Variants in DLG3 observed in about 807,000 individuals in gnomAD.
DLG3 encodes discs large MAGUK scaffold protein 3.
DLG3 carries 1 observed loss-of-function variant against 64.1 expected under a neutral mutation model. That is an observed-to-expected ratio of 0.02 (90% confidence interval 0.01 to 0.07). The LOEUF is 0.07. DLG3 is among the 10% of genes least tolerant of loss of function. The probability of loss-of-function intolerance (pLI) is 1.00; values close to 1 mark genes in which losing one functional copy is unlikely to be tolerated. For missense variants in DLG3, 429 were observed against 669.5 expected (o/e 0.64, Z 3.96); for synonymous variants, 245 against 259.8 (o/e 0.94, Z 0.55).
At chrX:70,496,166 G>A (rs2087450784) in intron 13 of DLG3, among the ~76,000 whole-genome samples, 1 of 112,601 alleles carries the variant, frequency 8.9e-6, no homozygotes, top group Admixed American at 9.3e-5. Flanking sequence ...GCGTGCAAGG[G>A]TGCACAGACA....
At chrX:70,458,484 G>T (rs2147790726) in intron 9 of DLG3, among the ~76,000 whole-genome samples, 1 of 111,184 alleles carries the variant, frequency 9.0e-6, no homozygotes, top group East Asian at 2.8e-4. Context: ...TAGAAACAGG[G>T]TCTCACTATA....
chrX:70,456,739 A>C, intron 9 of DLG3, among the ~76,000 whole-genome samples: 1 of 106,091 alleles, frequency 9.4e-6, no homozygotes, highest in Middle Eastern at 5.0e-3. Context: ...GCAAGTCCCC[A>C]ACATGCAAAA....
intron 7 of DLG3, 151 bp from the exon 8 acceptor site, chrX:70,453,486 T>A: frequency 1.2e-6 from 1 of 854,389 alleles, no homozygotes; most frequent in Non-Finnish European, 1.6e-6. Context: ...GCCAAGCAGG[T>A]TTCAGGAGAC....
At chrX:70,496,672 G>A (rs1569295258) in intron 13 of DLG3, among the ~76,000 whole-genome samples, 2 of 112,436 alleles carry the variant, frequency 1.8e-5, no homozygotes, top group South Asian at 3.7e-4. Context: ...GGAGCCCACC[G>A]AATGGTCAGA....
At chrX:70,489,462 C>T (rs1316305119) in intron 10 of DLG3, among the ~76,000 whole-genome samples, 3 of 110,624 alleles carry the variant, frequency 2.7e-5, no homozygotes, top group Middle Eastern at 8.4e-3. Context: ...ACCACCCCGC[C>T]CAGATAATTT....
intron 1 of DLG3, chrX:70,448,450 G>A (rs1412280690): frequency 3.8e-6 from 2 of 528,558 alleles, no homozygotes; most frequent in Non-Finnish European, 6.2e-6. Flanking sequence ...GGGAGTCTAT[G>A]ATCCCCCAGT....
At chrX:70,462,039 A>AAC (rs2086809872) in intron 9 of DLG3, among the ~76,000 whole-genome samples, 2 of 84,073 alleles carry the variant, frequency 2.4e-5, no homozygotes, top group East Asian at 5.6e-4. Flanking sequence ...ATCACTCCTC[A>AAC]TCCCCCCCCC....
intron 9 of DLG3, among the ~76,000 whole-genome samples, chrX:70,464,568 C>G (rs2086856751): frequency 8.9e-6 from 1 of 112,286 alleles, no homozygotes; most frequent in African/African-American, 3.2e-5. Flanking sequence ...GGCCAAGACT[C>G]ACAGTCTTGA....
At position 70,500,895 on chromosome X, in the gene DLG3, C is replaced by T; in HGVS notation, c.2256-3C>T. The T allele has an allele frequency of 1.7e-6, 2 of 1,190,560 alleles. No individual in the cohort carries two copies. The highest frequency in any genetic ancestry group is 2.3e-6 in the Non-Finnish European group (2 of 881,578). On this transcript the variant is annotated splice_region_variant and splice_polypyrimidine_tract_variant and intron_variant, in intron 17 of 18. Transcript: ENST00000374360. Reference sequence around the variant, plus strand: ...AGAACTATTTTTCTTCTGTCTTTGGCAGGGAAATGAACCGAAGGCAGACAT... The same window carrying T: ...AGAACTATTTTTCTTCTGTCTTTGGTAGGGAAATGAACCGAAGGCAGACAT...
chrX:70,500,098 A>G, intron 16 of DLG3, 49 bp downstream of exon 16: 1 of 1,113,808 alleles, frequency 9.0e-7, no homozygotes, highest in Non-Finnish European at 1.2e-6. Flanking sequence ...GCTTATGCCA[A>G]GGTTCCACTT....
At chrX:70,460,643 C>T (rs760437908) in intron 9 of DLG3, among the ~76,000 whole-genome samples, 13 of 112,156 alleles carry the variant, frequency 1.2e-4, no homozygotes, top group East Asian at 5.6e-4. Context: ...TATACTTAAG[C>T]GGTTTTTAGA....
chrX:70,469,007 T>C (rs138711365), intron 9 of DLG3, among the ~76,000 whole-genome samples: 240 of 110,425 alleles, frequency 2.2e-3, no homozygotes, highest in African/African-American at 7.4e-3. Flanking sequence ...ACCCAAGTAA[T>C]AGGCTTCATT....
chrX:70,502,182 A>T lies in DLG3; in HGVS notation c.2367A>T (p.Ser789=), dbSNP rs2087577454. The change falls in exon 19 of 19, where the codon TCA becomes TCT. Residue 789 remains serine (S), a synonymous_variant. Coordinates refer to ENST00000374360, the MANE Select transcript of DLG3 (RefSeq NM_021120.4). ...CTTTAGCCATTGTACAGGGTGACTCACTGGAAGAGATTTATAACAAAATCA... is the reference window on the plus strand; with the variant it reads ...CTTTAGCCATTGTACAGGGTGACTCTCTGGAAGAGATTTATAACAAAATCA... The part of the protein sequence containing the change: ...EYFTAIVQGD[S]LEEIYNKIKQ... 8.3e-7 allele frequency: 1 copy of T among 1,206,059 alleles called. No individual in the cohort carries two copies. Among genetic ancestry groups the T allele is most frequent in the African/African-American group, 1.8e-5 (1 of 56,754 alleles).
intron 18 of DLG3, among the ~76,000 whole-genome samples, chrX:70,501,862 A>G (rs2087570087): frequency 8.9e-6 from 1 of 112,018 alleles, no homozygotes; most frequent in Non-Finnish European, 1.9e-5. Context: ...GTGGGTGCTC[A>G]ATAAACATCT....
intron 9 of DLG3, among the ~76,000 whole-genome samples, chrX:70,478,576 G>A (rs192240672): frequency 3.6e-5 from 4 of 111,625 alleles, no homozygotes; most frequent in Non-Finnish European, 5.6e-5. Flanking sequence ...TGGTTGTTAC[G>A]GTTGTGAGGT....
At chrX:70,448,457 C>T in intron 1 of DLG3, 1 of 554,682 alleles carries the variant, frequency 1.8e-6, no homozygotes, top group Non-Finnish European at 2.9e-6. Context: ...TATGATCCCC[C>T]AGTCAGGGAG....
At chrX:70,497,777 C>T (rs2087482112) in intron 13 of DLG3, among the ~76,000 whole-genome samples, 1 of 111,906 alleles carries the variant, frequency 8.9e-6, no homozygotes, top group Admixed American at 9.5e-5. Flanking sequence ...TAAAATCTGC[C>T]CAGGAATATT....
chrX:70,452,793 T>C (rs762920372), intron 7 of DLG3: 1 of 1,111,331 alleles, frequency 9.0e-7, no homozygotes, highest in Non-Finnish European at 1.2e-6. Flanking sequence ...CATCCGGGAC[T>C]CAGGGAGGGA....
At chrX:70,451,226 C>G (rs1183860534) in intron 6 of DLG3, among the ~76,000 whole-genome samples, 1 of 111,606 alleles carries the variant, frequency 9.0e-6, no homozygotes, top group African/African-American at 3.3e-5. Flanking sequence ...CTCAGCCTCC[C>G]GAGTAGCTGG....
Sources: allele counts gnomAD v4.1 joint callset (sites outside exome capture counted in the v4.1 genomes callset), GRCh38; gene constraint gnomAD v4.1.1; transcripts MANE v1.5; gene names NCBI Gene and HGNC (gene_info 2026-07-23, HGNC 2026-07-21).